Variants in CARNMT1 observed in about 807,000 individuals in gnomAD.
CARNMT1 encodes the protein carnosine N-methyltransferase 1.
CARNMT1 carries 28 observed loss-of-function variants against 49.6 expected under a neutral mutation model. That is an observed-to-expected ratio of 0.56 (90% CI 0.42 to 0.77). CARNMT1 has a LOEUF of 0.77. Among genes scored for constraint, CARNMT1 ranks in the 30% least tolerant of loss-of-function variants. The pLI, the probability that CARNMT1 is intolerant of heterozygous loss-of-function variation, is 0.00. For synonymous variants in CARNMT1, 178 were observed against 175.0 expected (o/e 1.02, Z -0.13); for missense variants, 421 against 512.6 (o/e 0.82, Z 1.73).
At chr9:74,989,640 C>G (rs191007142) in intron 6 of CARNMT1, among the ~76,000 whole-genome samples, 1 of 152,236 alleles carries the variant, frequency 6.6e-6, no homozygotes, top group Admixed American at 6.5e-5. Flanking sequence ...TGGCTCCCCC[C>G]ATGCTGTTCT....
intron 3 of CARNMT1, among the ~76,000 whole-genome samples, chr9:75,008,186 A>AAC (rs1564100395): frequency 2.5e-4 from 38 of 151,268 alleles, no homozygotes; most frequent in African/African-American, 8.7e-4. Flanking sequence ...AAAAAAAAAA[A>AAC]AAAAAAAAAA....
At chr9:74,997,013 T>C (rs1486600650) in intron 5 of CARNMT1, among the ~76,000 whole-genome samples, 1 of 152,132 alleles carries the variant, frequency 6.6e-6, no homozygotes, top group African/African-American at 2.4e-5. Context: ...TACTTCAACA[T>C]CTACCACAAC....
intron 3 of CARNMT1, among the ~76,000 whole-genome samples, chr9:75,012,897 G>C (rs1325339291): frequency 3.4e-5 from 5 of 149,142 alleles, no homozygotes; most frequent in Admixed American, 2.0e-4. Context: ...CAGCCTGGGC[G>C]ACTGAGCAAG....
At chr9:74,988,488 G>C (rs1832917000) in intron 6 of CARNMT1, among the ~76,000 whole-genome samples, 2 of 152,000 alleles carry the variant, frequency 1.3e-5, no homozygotes, top group Admixed American at 1.3e-4. Context: ...TAGTTTTACT[G>C]TATGAATGTC....
At position 75,021,760 on chromosome 9, in the gene CARNMT1, C is replaced by A. The variant is rs183795216; in HGVS notation, c.231-4312G>T. On this transcript the variant is annotated intron_variant, in intron 1 of 7. Transcript: ENST00000376834. ...GGCCTGGGCAATATAGCAAGACCAT[C>A]CTCTCTACAAAAAAATAAAAAAACA... 6.9e-3 allele frequency among the ~76,000 whole-genome samples: 1,054 copies of A among 151,962 alleles called. 12 individuals carry two copies. The highest frequency in any genetic ancestry group is 0.024 in the African/African-American group (1,004 of 41,434).
At chr9:74,992,882 T>C (rs1192727160) in intron 6 of CARNMT1, among the ~76,000 whole-genome samples, 1 of 152,178 alleles carries the variant, frequency 6.6e-6, no homozygotes, top group Non-Finnish European at 1.5e-5. Flanking sequence ...AGGGTTAGGG[T>C]AAAATCATCC....
At chr9:75,022,971 T>C (rs778711317) in intron 1 of CARNMT1, among the ~76,000 whole-genome samples, 4 of 151,758 alleles carry the variant, frequency 2.6e-5, no homozygotes, top group Non-Finnish European at 5.9e-5. Context: ...TGAAACCCTG[T>C]CTCTACTAAA....
intron 1 of CARNMT1, among the ~76,000 whole-genome samples, chr9:75,021,300 A>G (rs1270158194): frequency 7.6e-6 from 1 of 130,922 alleles, no homozygotes; most frequent in Non-Finnish European, 1.7e-5. Context: ...TAGTATATAT[A>G]CTACTATATA....
At chr9:74,990,630 A>G (rs560507974) in intron 6 of CARNMT1, among the ~76,000 whole-genome samples, 2 of 152,334 alleles carry the variant, frequency 1.3e-5, no homozygotes, top group African/African-American at 4.8e-5. Flanking sequence ...CTTCGGTGGT[A>G]GGAACTAGAT....
chr9:75,016,715 A>T (rs547482803), intron 2 of CARNMT1: 27 of 330,380 alleles, frequency 8.2e-5, no homozygotes, highest in African/African-American at 5.5e-4. Context: ...GAGACCGAAC[A>T]TCCTCTCTAA....
intron 3 of CARNMT1, 94 bp from the exon 4 acceptor site, chr9:74,999,964 CAATAAG>C (rs1833306281): frequency 2.6e-6 from 3 of 1,161,192 alleles, no homozygotes; most frequent in Admixed American, 5.0e-5. Flanking sequence ...CTCATTTACT[CAATAAG>C]AATAAGCTAA....
At chr9:74,984,846 C>G in intron 7 of CARNMT1, 61 bp downstream of exon 7, 4 of 1,069,542 alleles carry the variant, frequency 3.7e-6, no homozygotes, top group Non-Finnish European at 5.8e-6. Context: ...GCCATGATAT[C>G]AACACTTCTG....
intron 3 of CARNMT1, among the ~76,000 whole-genome samples, chr9:75,014,260 C>T (rs1279871156): frequency 6.6e-6 from 1 of 152,094 alleles, no homozygotes; most frequent in African/African-American, 2.4e-5. Context: ...TTCTTTTTCA[C>T]AGAGGTATGG....
At chr9:75,025,734 C>T (rs1419355137) in intron 1 of CARNMT1, among the ~76,000 whole-genome samples, 1 of 152,102 alleles carries the variant, frequency 6.6e-6, no homozygotes, top group Non-Finnish European at 1.5e-5. Flanking sequence ...CAGTTCAGAT[C>T]CATATTGTTT....
At chr9:74,998,253 A>G (rs560378922) in intron 5 of CARNMT1, among the ~76,000 whole-genome samples, 1 of 152,158 alleles carries the variant, frequency 6.6e-6, no homozygotes, top group East Asian at 1.9e-4. Flanking sequence ...CTCAAATGCT[A>G]TTCTCTCAAC....
chr9:75,025,739 T>C (rs1476883438), intron 1 of CARNMT1, among the ~76,000 whole-genome samples: 1 of 152,194 alleles, frequency 6.6e-6, no homozygotes, highest in Non-Finnish European at 1.5e-5. Context: ...CAGATCCATA[T>C]TGTTTAAGGG....
chr9:75,026,202 A>G (rs1446345924), intron 1 of CARNMT1, among the ~76,000 whole-genome samples: 3 of 152,192 alleles, frequency 2.0e-5, no homozygotes, highest in African/African-American at 4.8e-5. Context: ...TAAAGAAGAG[A>G]GTATAGGAAA....
intron 1 of CARNMT1, among the ~76,000 whole-genome samples, chr9:75,025,207 G>A (rs954639283): frequency 8.5e-5 from 13 of 152,122 alleles, no homozygotes; most frequent in South Asian, 2.1e-4. Flanking sequence ...CCAGTGGCAC[G>A]TCATATGGGA....
At chr9:74,987,059 T>C (rs1392424655) in intron 6 of CARNMT1, among the ~76,000 whole-genome samples, 2 of 152,230 alleles carry the variant, frequency 1.3e-5, no homozygotes, top group Non-Finnish European at 2.9e-5. Context: ...CAAAGATGTT[T>C]CTTGAAGGCC....
Sources: gnomAD v4.1 joint callset for allele counts (sites outside exome capture counted in the v4.1 genomes callset) on GRCh38, gnomAD v4.1.1 for gene constraint, MANE v1.5 for transcripts, NCBI Gene and HGNC (gene_info 2026-07-23, HGNC 2026-07-21) for gene names.